Variants in DENND2B observed in about 807,000 individuals in gnomAD.
DENND2B encodes the protein DENN domain-containing protein 2B.
Under a neutral mutation model 116.0 loss-of-function variants are expected in DENND2B, and 32 were observed. The ratio of observed to expected loss-of-function variants is 0.28; its 90% confidence interval spans 0.21 to 0.37. The LOEUF (loss-of-function observed/expected upper bound fraction) is 0.37, where lower values mean the gene tolerates loss of function less well. Among genes scored for constraint, DENND2B ranks in the 10% least tolerant of loss-of-function variants. DENND2B has a pLI of 1.00. For synonymous variants in DENND2B, 588 were observed against 583.9 expected (o/e 1.01, Z -0.10); for missense variants, 1,276 against 1,477.7 (o/e 0.86, Z 2.24).
At chr11:8,768,350 G>A (rs1426956983) in intron 1 of DENND2B, among the ~76,000 whole-genome samples, 1 of 152,114 alleles carries the variant, frequency 6.6e-6, no homozygotes, top group African/African-American at 2.4e-5. Flanking sequence ...GGGCTCAAGT[G>A]ATCCTCTTGC....
At chr11:8,838,579 CTG>C (rs898397083) in intron 4 of DENND2B, among the ~76,000 whole-genome samples, 28 of 152,288 alleles carry the variant, frequency 1.8e-4, no homozygotes, top group African/African-American at 6.3e-4. Context: ...GAGAGGAAAA[CTG>C]TGGGAGTTGG....
rs532715789 is a variant in DENND2B, at chr11:8,779,534, C to T, written c.-25-28809G>A. On this transcript the variant is annotated intron_variant, in intron 1 of 19. Transcript: ENST00000313726. ...TCTTTCTTTTTTTTTTTTTTTGAGA[C>T]GAAGTTTCATTCTTGTTGCCCAGGC... 1.3e-3 allele frequency among the ~76,000 whole-genome samples: 169 copies of T among 126,252 alleles called. 2 individuals are homozygous for T. The highest frequency in any genetic ancestry group is 3.1e-3 in the African/African-American group (107 of 34,484). The allele number at this position is 126,252 out of a possible 152,430, so 82.8% of individuals were successfully genotyped here.
intron 2 of DENND2B, among the ~76,000 whole-genome samples, chr11:8,733,259 G>C (rs1175801584): frequency 2.0e-5 from 3 of 152,206 alleles, no homozygotes; most frequent in African/African-American, 7.2e-5. Context: ...GTTCATGGAG[G>C]CCTTAGGTCT....
chr11:8,714,885 A>G (rs957297229), intron 6 of DENND2B, 179 bp from the exon 7 acceptor site: 7 of 585,104 alleles, frequency 1.2e-5, no homozygotes, highest in Admixed American at 3.0e-5. Context: ...CCAGCCATGC[A>G]TGGTAGCTCT....
chr11:8,766,786 G>A (rs2055886104), intron 1 of DENND2B: 1 of 793,550 alleles, frequency 1.3e-6, no homozygotes, highest in Non-Finnish European at 1.8e-6. Flanking sequence ...CATTTTAGGT[G>A]GGGGTGCTGG....
chr11:8,909,381 GAAGAAGAAGGAAGA>G (rs2064281447), intron 1 of DENND2B, among the ~76,000 whole-genome samples: 1 of 150,884 alleles, frequency 6.6e-6, no homozygotes, highest in African/African-American at 2.4e-5. Context: ...AAACAAAAAA[GAAGAAGAAGGAAGA>G]AGGAAGAAGA....
At chr11:8,828,494 G>A (rs1314715554) in intron 4 of DENND2B, among the ~76,000 whole-genome samples, 12 of 152,064 alleles carry the variant, frequency 7.9e-5, no homozygotes, top group Admixed American at 7.9e-4. Context: ...ACTCTGTGAG[G>A]GGTCACTGCT....
At chr11:8,769,491 C>T (rs183564212) in intron 1 of DENND2B, among the ~76,000 whole-genome samples, 158 of 152,178 alleles carry the variant, frequency 1.0e-3, no homozygotes, top group African/African-American at 3.6e-3. Context: ...AACTCCTGAC[C>T]TCAACTGATC....
chr11:8,810,365 A>G (rs1422383076), intron 1 of DENND2B, 152 bp downstream of exon 1: 1 of 152,144 alleles, frequency 6.6e-6, no homozygotes, highest in African/African-American at 2.4e-5. Flanking sequence ...CTCCTCCTTA[A>G]GCTAATAGAA....
At chr11:8,816,324 T>C (rs1016856898) in intron 4 of DENND2B, among the ~76,000 whole-genome samples, 3 of 152,054 alleles carry the variant, frequency 2.0e-5, no homozygotes, top group East Asian at 1.9e-4. Context: ...GGTGGGAGAA[T>C]TGCTTGAGCC....
chr11:8,711,933 ATGCAG>A (rs1322151863), intron 9 of DENND2B: 3 of 455,294 alleles, frequency 6.6e-6, no homozygotes, highest in Non-Finnish European at 1.3e-5. Context: ...GAGGGGCTCC[ATGCAG>A]GTGTCTGGAC....
intron 1 of DENND2B, among the ~76,000 whole-genome samples, chr11:8,798,558 C>T (rs2060031013): frequency 6.6e-6 from 1 of 152,106 alleles, no homozygotes; most frequent in African/African-American, 2.4e-5. Flanking sequence ...TACAGCTTTC[C>T]AGAAGAAGCT....
At chr11:8,788,058 G>C (rs1382668320) in intron 1 of DENND2B, among the ~76,000 whole-genome samples, 1 of 152,140 alleles carries the variant, frequency 6.6e-6, no homozygotes, top group Non-Finnish European at 1.5e-5. Flanking sequence ...AGATGTTTAA[G>C]AGGGAAGTGG....
chr11:8,693,971 G>C lies in DENND2B; in HGVS notation c.*125C>G, dbSNP rs1361631332. 3 of 935,110 alleles carry C rather than the reference G, an allele frequency of 3.2e-6. No individual in the cohort carries two copies. In the African/African-American group the frequency reaches 5.0e-5, roughly 15 times the overall value. The allele number at this position is 935,110 out of a possible 1,614,324, so 57.9% of individuals were successfully genotyped here. On this transcript the variant is annotated 3_prime_UTR_variant, in exon 20 of 20. Coordinates refer to ENST00000313726, the MANE Select transcript of DENND2B (RefSeq NM_213618.2). ...TGGGATATGATGAAGGCAGAGGTGG[G>C]CTGGCTTGGAGGATAGGATCTGTGG...
chr11:8,877,765 TC>T (rs1049525409), intron 2 of DENND2B, among the ~76,000 whole-genome samples: 9 of 151,808 alleles, frequency 5.9e-5, no homozygotes, highest in Admixed American at 1.3e-4. Flanking sequence ...AATCCATAGT[TC>T]CCCCCCAAAA....
At chr11:8,700,507 T>C (rs1349276028) in intron 14 of DENND2B, among the ~76,000 whole-genome samples, 1 of 152,046 alleles carries the variant, frequency 6.6e-6, no homozygotes, top group East Asian at 1.9e-4. Flanking sequence ...CAATCGGGAG[T>C]TCATTTCTCG....
chr11:8,819,352 A>G (rs932290068), intron 4 of DENND2B, among the ~76,000 whole-genome samples: 2 of 152,132 alleles, frequency 1.3e-5, no homozygotes, highest in Admixed American at 6.5e-5. Context: ...GGCCATGATC[A>G]TGCCACTGCA....
intron 2 of DENND2B, among the ~76,000 whole-genome samples, chr11:8,864,861 C>T (rs2063523559): frequency 6.6e-6 from 1 of 152,078 alleles, no homozygotes; most frequent in Non-Finnish European, 1.5e-5. Context: ...AAGAATGGAA[C>T]AAGACGGAAA....
rs565536837 is a variant in DENND2B, at chr11:8,790,906, C to T, written c.-26+19611G>A. Reference sequence around the variant, plus strand: ...AAGTTCACAACCCTTGGAAAAACAACCCCAGGTTGATCCAGCACTAAAAGC... The same window carrying T: ...AAGTTCACAACCCTTGGAAAAACAATCCCAGGTTGATCCAGCACTAAAAGC... On this transcript the variant is annotated intron_variant, in intron 1 of 19. Coordinates refer to ENST00000313726, the MANE Select transcript of DENND2B (RefSeq NM_213618.2). Among the ~76,000 whole-genome samples, 10 of 152,292 alleles carry T rather than the reference C, an allele frequency of 6.6e-5. No homozygotes were observed. In the South Asian group the frequency reaches 2.1e-3, roughly 32 times the overall value.
Sources: gnomAD v4.1 joint callset for allele counts (sites outside exome capture counted in the v4.1 genomes callset) on GRCh38, gnomAD v4.1.1 for gene constraint, MANE v1.5 for transcripts, NCBI Gene and HGNC (gene_info 2026-07-23, HGNC 2026-07-21) for gene names.